RWDD1: variants seen among roughly 807,000 people sequenced by gnomAD.
RWDD1 encodes the protein RWD domain-containing protein 1.
Under a neutral mutation model 31.6 loss-of-function variants are expected in RWDD1, and 17 were observed. The observed-to-expected ratio is 0.54, with a 90% CI of 0.37 to 0.81. The LOEUF is 0.81. Among genes scored for constraint, RWDD1 ranks in the 30% least tolerant of loss-of-function variants. The pLI is 0.00. For missense variants in RWDD1, 204 were observed against 274.5 expected, an observed-to-expected ratio of 0.74 and a Z score of 1.82; for synonymous variants, 78 against 94.2, an observed-to-expected ratio of 0.83 and a Z score of 0.99.
At chr6:116,580,637 CTTTTG>C (rs1774932050) in intron 2 of RWDD1, among the ~76,000 whole-genome samples, 1 of 151,944 alleles carries the variant, frequency 6.6e-6, no homozygotes, top group South Asian at 2.1e-4. Context: ...AGGTAGGAAA[CTTTTG>C]TTTTGTTCAA....
chr6:116,593,277 G>A lies in RWDD1; in HGVS notation c.*176G>A. The A allele has an allele frequency of 1.7e-6, 1 of 587,558 alleles. No individual in the cohort carries two copies. Among genetic ancestry groups the A allele is most frequent in the Non-Finnish European group, 2.7e-6 (1 of 370,232 alleles). 36.4% of individuals were successfully genotyped at this position (587,558 alleles called of 1,614,324 possible). Reference sequence around the variant, plus strand: ...GACCTTAAAATTTCAAATATAAAATGTTCAAGGCTTCTTACTGTTGAGCAC... The same window carrying A: ...GACCTTAAAATTTCAAATATAAAATATTCAAGGCTTCTTACTGTTGAGCAC... On this transcript the variant is annotated 3_prime_UTR_variant, in exon 7 of 7. Coordinates refer to ENST00000466444, the MANE Select transcript of RWDD1 (RefSeq NM_015952.4).
intron 1 of RWDD1, among the ~76,000 whole-genome samples, chr6:116,578,724 A>G (rs1464579433): frequency 2.0e-5 from 3 of 152,208 alleles, no homozygotes; most frequent in Non-Finnish European, 4.4e-5. Flanking sequence ...AACTTTTTTC[A>G]GCATGGGCTG....
At chr6:116,580,896 A>T (rs1191971335) in intron 2 of RWDD1, among the ~76,000 whole-genome samples, 2 of 152,154 alleles carry the variant, frequency 1.3e-5, no homozygotes, top group Middle Eastern at 3.2e-3. Flanking sequence ...GGGGAATGGT[A>T]TCTGAAGTTT....
chr6:116,585,675 G>A (rs1409585815), intron 3 of RWDD1, among the ~76,000 whole-genome samples: 1 of 152,302 alleles, frequency 6.6e-6, no homozygotes, highest in African/African-American at 2.4e-5. Context: ...AGAAATATCT[G>A]GAGCTGTTGT....
chr6:116,572,897 G>T, intron 1 of RWDD1: 1 of 985,432 alleles, frequency 1.0e-6, no homozygotes, highest in Non-Finnish European at 1.2e-6. Flanking sequence ...CTCCAGTCCT[G>T]TTCATGTTCT....
chr6:116,597,010 G>A lies in RWDD1; in HGVS notation c.*3909G>A, dbSNP rs1775249130. 1 of 152,156 alleles carries A rather than the reference G, an allele frequency of 6.6e-6. No individual in the cohort carries two copies. Among genetic ancestry groups the A allele is most frequent in the African/African-American group, 2.4e-5 (1 of 41,436 alleles). The allele number at this position is 152,156 out of a possible 1,614,324, so 9.4% of individuals were successfully genotyped here. On this transcript the variant is annotated 3_prime_UTR_variant, in exon 7 of 7. Coordinates refer to ENST00000466444, the MANE Select transcript of RWDD1 (RefSeq NM_015952.4). ...TCAGTAAGGCCCATTCCCAACATGAGTGCTGCTGTCCACGGTACTGAACCA... is the reference window on the plus strand; with the variant it reads ...TCAGTAAGGCCCATTCCCAACATGAATGCTGCTGTCCACGGTACTGAACCA...
rs1364940479 is a variant in RWDD1, at chr6:116,596,377, C to A, written c.*3276C>A. On this transcript the variant is annotated 3_prime_UTR_variant, in exon 7 of 7. Transcript: ENST00000466444. ...GGGTGACAAAGATGAAAGAATGCTGCCAGAAAAGTATATTGTTAAATTTTC... is the reference window on the plus strand; with the variant it reads ...GGGTGACAAAGATGAAAGAATGCTGACAGAAAAGTATATTGTTAAATTTTC... 1 of 152,116 alleles carries A rather than the reference C, an allele frequency of 6.6e-6. No homozygotes were observed. Among genetic ancestry groups the A allele is most frequent in the Non-Finnish European group, 1.5e-5 (1 of 68,032 alleles). The allele number at this position is 152,116 out of a possible 1,614,324, so 9.4% of individuals were successfully genotyped here.
rs564657861 is a variant in RWDD1 at position 116,592,369 on chromosome 6, G to A, written c.611-611G>A. 7.2e-5 allele frequency among the ~76,000 whole-genome samples: 11 copies of A among 152,196 alleles called. No individual in the cohort carries two copies. The South Asian group carries it at 2.3e-3, about 32-fold the overall frequency. On this transcript the variant is annotated intron_variant, in intron 6 of 6. Transcript: ENST00000466444. ...ATATTTCAGACTTCATTTGCTCCAT[G>A]ATGCCTTTGCTATGTCTCCTAGACA...
intron 2 of RWDD1, among the ~76,000 whole-genome samples, chr6:116,584,059 T>G (rs1774994577): frequency 6.6e-6 from 1 of 152,234 alleles, no homozygotes; most frequent in Admixed American, 6.5e-5. Flanking sequence ...ACTGCTTAGT[T>G]GCAGACTGCC....
In RWDD1 at chr6:116,590,281, C is replaced by T; in HGVS notation, c.424C>T (p.His142Tyr). The T allele has an allele frequency of 1.9e-6, 3 of 1,541,876 alleles. No individual in the cohort carries two copies. Among genetic ancestry groups the T allele is most frequent in the African/African-American group, 1.4e-5 (1 of 71,232 alleles). ...TTTTTTATTTCCTAAGCAATTATTC[C>T]ATGGTACTCCAGTTACAATTGAGAA... ...EAEEAEKQLF[H>Y]GTPVTIENFL... The change falls in exon 5 of 7, where the codon CAT (histidine) becomes TAT (tyrosine). Residue 142 changes from histidine to tyrosine, a missense_variant. Physicochemically the swap from His to Tyr is moderately conservative, Grantham distance 83. Coordinates refer to ENST00000466444, the MANE Select transcript of RWDD1 (RefSeq NM_015952.4).
intron 3 of RWDD1, among the ~76,000 whole-genome samples, chr6:116,586,188 C>G (rs895615696): frequency 6.6e-6 from 1 of 151,910 alleles, no homozygotes; most frequent in African/African-American, 2.4e-5. Flanking sequence ...AAAAAATAAT[C>G]GTTATAATTT....
rs376426771 is a variant in RWDD1 at position 116,584,714 on chromosome 6, T to A, written c.140-13T>A. Reference sequence around the variant, plus strand: ...TTAAGGTATTCACATCAAACTCTTATCTTGTGTCTTAGCTGTCCAGACTAC... The same window carrying A: ...TTAAGGTATTCACATCAAACTCTTAACTTGTGTCTTAGCTGTCCAGACTAC... On this transcript the variant is annotated splice_polypyrimidine_tract_variant and intron_variant, in intron 2 of 6. Coordinates refer to ENST00000466444, the MANE Select transcript of RWDD1 (RefSeq NM_015952.4). 6.2e-6 allele frequency: 10 copies of A among 1,607,920 alleles called. No individual in the cohort carries two copies. The highest frequency in any genetic ancestry group is 1.7e-5 in the Admixed American group (1 of 59,696).
In RWDD1 at chr6:116,584,727, C is replaced by A; in HGVS notation, c.140C>A (p.Thr47Asn). 1 of 1,610,248 alleles carries A rather than the reference C, an allele frequency of 6.2e-7. No individual in the cohort carries two copies. Among genetic ancestry groups the A allele is most frequent in the South Asian group, 1.1e-5 (1 of 90,958 alleles). ...ATCAAACTCTTATCTTGTGTCTTAGCTGTCCAGACTACCCTCAAGTTTACA... is the reference window on the plus strand; with the variant it reads ...ATCAAACTCTTATCTTGTGTCTTAGATGTCCAGACTACCCTCAAGTTTACA... ...VTSEAGENDE[T>N]VQTTLKFTYS... The change falls in exon 3 of 7, where the codon ACT (threonine) becomes AAT (asparagine). Residue 47 changes from threonine (T) to asparagine (N), a missense_variant and splice_region_variant. Physicochemically the swap from Thr to Asn is moderately conservative, Grantham distance 65. Transcript: ENST00000466444.
At chr6:116,579,314 C>T (rs1309868937) in intron 1 of RWDD1, among the ~76,000 whole-genome samples, 1 of 152,230 alleles carries the variant, frequency 6.6e-6, no homozygotes, top group Non-Finnish European at 1.5e-5. Context: ...CTGCTGCCAA[C>T]CTTGACAAGT....
At chr6:116,584,079 TGAG>T (rs1469622497) in intron 2 of RWDD1, among the ~76,000 whole-genome samples, 1 of 152,212 alleles carries the variant, frequency 6.6e-6, no homozygotes, top group Non-Finnish European at 1.5e-5. Context: ...CTGGTGGAAT[TGAG>T]AACTCAATGG....
At position 116,590,277 on chromosome 6, in the gene RWDD1, A is replaced by T; in HGVS notation, c.420A>T (p.Leu140Phe). 1 of 1,530,514 alleles carries T rather than the reference A, an allele frequency of 6.5e-7. No individual in the cohort carries two copies. The highest frequency in any genetic ancestry group is 8.8e-7 in the Non-Finnish European group (1 of 1,138,046). The allele number at this position is 1,530,514 out of a possible 1,614,324, so 94.8% of individuals were successfully genotyped here. ...TTTTTTTTTTATTTCCTAAGCAATT[A>T]TTCCATGGTACTCCAGTTACAATTG... ...EKEAEEAEKQLFHGTPVTIEN... is the reference protein window; with the variant it reads ...EKEAEEAEKQFFHGTPVTIEN... The change falls in exon 5 of 7, where the codon TTA becomes TTT. Residue 140 changes from leucine (L) to phenylalanine (F), a missense_variant. Physicochemically the swap from Leu to Phe is conservative, Grantham distance 22. Transcript: ENST00000466444.
At chr6:116,585,289 T>TC (rs1306544792) in intron 3 of RWDD1, among the ~76,000 whole-genome samples, 1 of 152,136 alleles carries the variant, frequency 6.6e-6, no homozygotes, top group African/African-American at 2.4e-5. Context: ...TGATTTTTTT[T>TC]CTCCCATCTC....
Position 116,594,934 on chromosome 6 carries a change from T to C in RWDD1, c.*1833T>C, listed in dbSNP as rs535513757. The stretch of plus-strand genomic sequence containing the variant: ...CAAATTATTTAAGATAAAATTACCA[T>C]TGAGGAGTTTAATACTTTTCAAGGA... On this transcript the variant is annotated 3_prime_UTR_variant, in exon 7 of 7. Coordinates refer to ENST00000466444, the MANE Select transcript of RWDD1 (RefSeq NM_015952.4). The C allele has an allele frequency of 6.6e-6, 1 of 152,322 alleles. No homozygotes were observed. The highest frequency in any genetic ancestry group is 2.1e-4 in the South Asian group (1 of 4,826). The allele number at this position is 152,322 out of a possible 1,614,324, so 9.4% of individuals were successfully genotyped here.
intron 6 of RWDD1, 101 bp from the exon 7 acceptor site, chr6:116,592,879 G>C (rs1775169958): frequency 7.6e-7 from 1 of 1,318,814 alleles, no homozygotes; most frequent in African/African-American, 1.5e-5. Context: ...CTCATATGCA[G>C]ATTTGGAGAT....
Sources: gnomAD v4.1 joint callset for allele counts (sites outside exome capture counted in the v4.1 genomes callset) on GRCh38, gnomAD v4.1.1 for gene constraint, MANE v1.5 for transcripts, NCBI Gene and HGNC (gene_info 2026-07-23, HGNC 2026-07-21) for gene names.